The following PAG1 variants were observed in gnomAD, a reference collection of about 807,000 sequenced individuals.
The protein encoded by PAG1 is phosphoprotein associated with glycosphingolipid-enriched microdomains 1.
Under a neutral mutation model 31.7 loss-of-function variants are expected in PAG1, and 23 were observed. The observed-to-expected ratio is 0.73, with a 90% CI of 0.52 to 1.03. The LOEUF is 1.03. Ranked by LOEUF, PAG1 falls within the 50% of genes least tolerant of loss-of-function variation. The pLI, the probability that PAG1 is intolerant of heterozygous loss-of-function variation, is 0.00. For missense variants in PAG1, 473 were observed against 540.7 expected, an observed-to-expected ratio of 0.87 and a Z score of 1.24; for synonymous variants, 214 against 210.3, an observed-to-expected ratio of 1.02 and a Z score of -0.15.
At chr8:81,089,803 T>A (rs1809417660) in intron 1 of PAG1, among the ~76,000 whole-genome samples, 1 of 152,144 alleles carries the variant, frequency 6.6e-6, no homozygotes, top group Non-Finnish European at 1.5e-5. Flanking sequence ...TCTGCTTGCA[T>A]GACATGCAGA....
intron 1 of PAG1, among the ~76,000 whole-genome samples, chr8:81,092,762 G>T (rs1418836979): frequency 6.6e-6 from 1 of 152,200 alleles, no homozygotes; most frequent in Admixed American, 6.5e-5. Flanking sequence ...TATGTCATAA[G>T]GACATGGGTC....
chr8:81,077,301 AGT>A (rs1191092318), intron 1 of PAG1, among the ~76,000 whole-genome samples: 1 of 152,234 alleles, frequency 6.6e-6, no homozygotes, highest in Non-Finnish European at 1.5e-5. Context: ...AGACAGCCTA[AGT>A]GATTTGTAAG....
At chr8:81,047,121 T>C (rs141298765) in intron 2 of PAG1, among the ~76,000 whole-genome samples, 253 of 152,362 alleles carry the variant, frequency 1.7e-3, no homozygotes, top group African/African-American at 5.7e-3. Flanking sequence ...TGATTCCATG[T>C]CTTTGCTATT....
At chr8:81,047,037 T>C (rs1808653233) in intron 2 of PAG1, among the ~76,000 whole-genome samples, 1 of 152,376 alleles carries the variant, frequency 6.6e-6, no homozygotes, top group East Asian at 1.9e-4. Context: ...TTCATTTTTA[T>C]GGCTGCACAG....
chr8:80,984,000 T>G (rs1306697862), intron 7 of PAG1, among the ~76,000 whole-genome samples: 2 of 152,204 alleles, frequency 1.3e-5, no homozygotes, highest in Non-Finnish European at 2.9e-5. Context: ...AGGCTACTAG[T>G]GACTGGCTAA....
chr8:81,029,387 CA>C (rs371904732), intron 3 of PAG1, among the ~76,000 whole-genome samples: 93 of 150,496 alleles, frequency 6.2e-4, no homozygotes, highest in Non-Finnish European at 7.9e-4. Context: ...CACACACACA[CA>C]CCCCTCCCCA....
At chr8:81,010,191 A>G (rs765289774) in intron 3 of PAG1, among the ~76,000 whole-genome samples, 18 of 152,218 alleles carry the variant, frequency 1.2e-4, no homozygotes, top group Admixed American at 9.2e-4. Context: ...CTCTTCCCAC[A>G]TAACGAGTCT....
intron 2 of PAG1, among the ~76,000 whole-genome samples, chr8:81,059,931 T>C (rs1172012734): frequency 1.3e-5 from 2 of 151,802 alleles, no homozygotes; most frequent in African/African-American, 4.8e-5. Context: ...GGTAGGAAGA[T>C]TGCTTGAACC....
At chr8:81,011,497 T>G (rs1807984258) in intron 3 of PAG1, among the ~76,000 whole-genome samples, 1 of 147,866 alleles carries the variant, frequency 6.8e-6, no homozygotes, top group South Asian at 2.1e-4. Context: ...TCCATTAAAC[T>G]TTTTTTTTTA....
At chr8:81,069,018 G>A (rs1296856413) in intron 2 of PAG1, among the ~76,000 whole-genome samples, 2 of 152,180 alleles carry the variant, frequency 1.3e-5, no homozygotes, top group Non-Finnish European at 2.9e-5. Flanking sequence ...AATATTAGGA[G>A]ATCAGAGGAA....
chr8:81,066,706 C>T (rs888158408), intron 2 of PAG1, among the ~76,000 whole-genome samples: 6 of 151,870 alleles, frequency 4.0e-5, no homozygotes, highest in Non-Finnish European at 8.8e-5. Flanking sequence ...TTAAAAGTAG[C>T]TTAGTTGATA....
chr8:81,110,630 A>G (rs1809758599), intron 1 of PAG1, among the ~76,000 whole-genome samples: 1 of 152,322 alleles, frequency 6.6e-6, no homozygotes, highest in Admixed American at 6.5e-5. Context: ...CACTTTTTCT[A>G]AAACAAAGGG....
intron 1 of PAG1, among the ~76,000 whole-genome samples, chr8:81,084,238 A>G (rs764481458): frequency 2.6e-5 from 4 of 152,178 alleles, no homozygotes; most frequent in Non-Finnish European, 5.9e-5. Flanking sequence ...AAGAACAGGG[A>G]AAAGTATGTC....
At chr8:80,992,495 T>C (rs1019829372) in intron 4 of PAG1, among the ~76,000 whole-genome samples, 4 of 152,212 alleles carry the variant, frequency 2.6e-5, no homozygotes, top group African/African-American at 9.6e-5. Context: ...ACATCACTTC[T>C]GGTTAGAAAG....
intron 1 of PAG1, among the ~76,000 whole-genome samples, chr8:81,089,098 G>C (rs1033802404): frequency 4.6e-5 from 7 of 152,204 alleles, no homozygotes; most frequent in African/African-American, 1.7e-4. Flanking sequence ...CATTTTTACA[G>C]ATGCTGGAAG....
chr8:81,053,863 T>C (rs1463325977), intron 2 of PAG1, among the ~76,000 whole-genome samples: 4 of 152,120 alleles, frequency 2.6e-5, no homozygotes, highest in Non-Finnish European at 5.9e-5. Context: ...AGGTTGAAAG[T>C]AGTGAGCAAG....
intron 3 of PAG1, among the ~76,000 whole-genome samples, chr8:80,997,257 T>A (rs1807694125): frequency 6.6e-6 from 1 of 152,242 alleles, no homozygotes; most frequent in Non-Finnish European, 1.5e-5. Context: ...TGCATTCAAC[T>A]ATATAATATT....
intron 2 of PAG1, among the ~76,000 whole-genome samples, chr8:81,069,085 G>C (rs1809054264): frequency 6.6e-6 from 1 of 152,176 alleles, no homozygotes; most frequent in African/African-American, 2.4e-5. Context: ...TTTAGCCTAA[G>C]TTAACTAACA....
intron 1 of PAG1, among the ~76,000 whole-genome samples, chr8:81,088,288 C>T (rs1008414146): frequency 2.0e-5 from 3 of 152,118 alleles, no homozygotes; most frequent in Non-Finnish European, 2.9e-5. Flanking sequence ...GATCTTTAAT[C>T]CCCCAAAGTC....
Sources: gnomAD v4.1 joint callset for allele counts (sites outside exome capture counted in the v4.1 genomes callset) on GRCh38, gnomAD v4.1.1 for gene constraint, MANE v1.5 for transcripts, NCBI Gene and HGNC (gene_info 2026-07-23, HGNC 2026-07-21) for gene names.